The following SNX19 variants were observed in gnomAD, a reference collection of about 807,000 sequenced individuals.
The protein encoded by SNX19 is sorting nexin 19, also known as sorting nexin-19.
A neutral mutation model predicts 85.2 loss-of-function variants in SNX19; 60 were observed. That is an observed-to-expected ratio of 0.70 (90% CI 0.57 to 0.87). The LOEUF is 0.87. Ranked by LOEUF, SNX19 falls within the 40% of genes least tolerant of loss-of-function variation. The pLI is 0.00. For missense variants in SNX19, 1,201 were observed against 1,217.8 expected, an observed-to-expected ratio of 0.99 and a Z score of 0.21; for synonymous variants, 520 against 470.0, an observed-to-expected ratio of 1.11 and a Z score of -1.38.
At chr11:130,911,969 G>A (rs975557810) in intron 1 of SNX19, among the ~76,000 whole-genome samples, 198 bp from the exon 2 acceptor site, 58 of 151,822 alleles carry the variant, frequency 3.8e-4, no homozygotes, top group African/African-American at 1.3e-3. Context: ...TCACTCCTCC[G>A]CACTACTACT....
In SNX19 at chr11:130,878,312, T is replaced by G. The variant is rs1943383880; in HGVS notation, c.*110A>C. On this transcript the variant is annotated 3_prime_UTR_variant, in exon 11 of 11. Coordinates refer to ENST00000265909, the MANE Select transcript of SNX19 (RefSeq NM_014758.3). ...GGAGAGAAGTGAGCCACCGAGAACC[T>G]AGGCCTTCTTAGCTGTAGCCTACTT... 7.8e-7 allele frequency: 1 copy of G among 1,283,350 alleles called. No individual in the cohort carries two copies. The highest frequency in any genetic ancestry group is 1.1e-6 in the Non-Finnish European group (1 of 943,086). The allele number at this position is 1,283,350 out of a possible 1,614,324, so 79.5% of individuals were successfully genotyped here.
rs140963839 is a variant in SNX19 at position 130,910,065 on chromosome 11, G to A, written c.1987C>T (p.Arg663Cys). The A allele has an allele frequency of 4.5e-5, 72 of 1,613,914 alleles. No homozygotes were observed. The highest frequency in any genetic ancestry group is 2.0e-4 in the East Asian group (9 of 44,890). Residue 663 changes from arginine to cysteine, a missense_variant, in exon 4 of 11, where the codon CGT becomes TGT. Physicochemically the swap from Arg to Cys is radical, Grantham distance 180. Transcript: ENST00000265909. ...AATGGTTTCTTGACAAAGGCAATAC[G>A]AGCATCTGTGTTCAGAGCAAGGAAC... ...QEFLALNTDA[R>C]IAFVKKPFMV... is the part of the protein sequence containing the mutation.
intron 5 of SNX19, among the ~76,000 whole-genome samples, chr11:130,907,144 T>A (rs7949722): frequency 0.64 from 96,791 of 152,020 alleles, 31,077 homozygotes; most frequent in South Asian, 0.8. Context: ...ACATCCATTT[T>A]TTCCCCTTGT....
chr11:130,882,426 C>G (rs1943746578), intron 8 of SNX19, among the ~76,000 whole-genome samples: 1 of 152,242 alleles, frequency 6.6e-6, no homozygotes, highest in Non-Finnish European at 1.5e-5. Context: ...CTGCATTCCA[C>G]TCAAGCTGGG....
chr11:130,880,488 A>G (rs1943577854), intron 9 of SNX19, 134 bp downstream of exon 9: 12 of 737,808 alleles, frequency 1.6e-5, no homozygotes, highest in Non-Finnish European at 2.6e-5. Flanking sequence ...CTGGGAAATG[A>G]TGGGTCAACA....
In SNX19 at chr11:130,906,082, T is replaced by C; in HGVS notation, c.2314A>G (p.Thr772Ala). The part of the protein sequence containing the change: ...SAMESFIEKQ[T>A]KLLEMQPTKA... ...GTTGGCTGCATTTCCAGTAACTTTGTCTGTTTTTCAATAAAAGATTCCATC... is the reference window on the plus strand; with the variant it reads ...GTTGGCTGCATTTCCAGTAACTTTGCCTGTTTTTCAATAAAAGATTCCATC... Residue 772 changes from threonine to alanine, a missense_variant, in exon 7 of 11, where the codon ACA (threonine) becomes GCA (alanine). This residue lies in a region of SNX19 where 285 missense variants were observed against 295.3 expected (regional missense o/e 0.97). Transcript: ENST00000265909. 6.2e-7 allele frequency: 1 copy of C among 1,614,188 alleles called. No individual in the cohort carries two copies.
In SNX19 at chr11:130,916,059, C is replaced by T; in HGVS notation, c.-120G>A. The T allele has an allele frequency of 1.1e-6, 1 of 911,332 alleles. No homozygotes were observed. Among genetic ancestry groups the T allele is most frequent in the Non-Finnish European group, 1.6e-6 (1 of 607,798 alleles). The allele number at this position is 911,332 out of a possible 1,614,324, so 56.5% of individuals were successfully genotyped here. On this transcript the variant is annotated 5_prime_UTR_variant, in exon 1 of 11. Transcript: ENST00000265909. ...GGCGATCTGGGTGCTGTTCAGGGAA[C>T]CGGGGCTCCAGGCCCTCAAAGTCCT... is the stretch of plus-strand genomic sequence containing the variant.
In SNX19 at chr11:130,869,894, T is replaced by G. The variant is rs1942949729; in HGVS notation, c.*8528A>C. 6.7e-6 allele frequency: 1 copy of G among 149,292 alleles called. No individual in the cohort carries two copies. Among genetic ancestry groups the G allele is most frequent in the Non-Finnish European group, 1.5e-5 (1 of 67,808 alleles). 9.2% of individuals were successfully genotyped at this position (149,292 alleles called of 1,614,324 possible). On this transcript the variant is annotated 3_prime_UTR_variant, in exon 11 of 11. Coordinates refer to ENST00000265909, the MANE Select transcript of SNX19 (RefSeq NM_014758.3). ...GGGTAGCCAAGTCACCCACAAAGAC[T>G]GATGAGCTGATATAGAAAAAAAAAA...
At chr11:130,895,277 T>G in intron 8 of SNX19, 3 of 982,082 alleles carry the variant, frequency 3.1e-6, no homozygotes, top group Non-Finnish European at 3.6e-6. Context: ...GATCTGGGTA[T>G]GCCCTGTGTG....
chr11:130,911,545 C>A, intron 2 of SNX19, 88 bp downstream of exon 2: 1 of 1,583,826 alleles, frequency 6.3e-7, no homozygotes, highest in Non-Finnish European at 8.6e-7. Context: ...GCATTCTCCT[C>A]CCCGATCCCT....
chr11:130,915,600 C>A lies in SNX19; in HGVS notation c.340G>T (p.Val114Leu). ...RTIQMIIRDF[V>L]LSWYRSVSQE... ...CTCACGGAACGGTACCAAGATAACA[C>A]AAAATCTCGAATAATCATCTGGATG... is the stretch of plus-strand genomic sequence containing the variant. Residue 114 changes from valine to leucine, a missense_variant, in exon 1 of 11, where the codon GTG (valine) becomes TTG (leucine). By Grantham distance (32) the Val-to-Leu change is conservative. This residue lies in a region of SNX19 where 791 missense variants were observed against 750.9 expected (regional missense o/e 1.05). Transcript: ENST00000265909. The A allele has an allele frequency of 6.2e-7, 1 of 1,614,246 alleles. No homozygotes were observed. Among genetic ancestry groups the A allele is most frequent in the Non-Finnish European group, 8.5e-7 (1 of 1,180,044 alleles).
chr11:130,887,205 T>A (rs1385363355), intron 8 of SNX19, among the ~76,000 whole-genome samples: 1 of 152,240 alleles, frequency 6.6e-6, no homozygotes, highest in African/African-American at 2.4e-5. Context: ...TGTTTTTGAT[T>A]AGTAATGTAC....
At position 130,875,976 on chromosome 11, in the gene SNX19, T is replaced by C. The variant is rs1943225270; in HGVS notation, c.*2446A>G. ...GTTATATGTGATGAAAAAGTATAGC[T>C]TTCTTGAATTCAAATAAGCAATGGC... is the stretch of plus-strand genomic sequence containing the variant. On this transcript the variant is annotated 3_prime_UTR_variant, in exon 11 of 11. Transcript: ENST00000265909. 1 of 152,184 alleles carries C rather than the reference T, an allele frequency of 6.6e-6. No homozygotes were observed. Among genetic ancestry groups the C allele is most frequent in the Admixed American group, 6.6e-5 (1 of 15,264 alleles). The allele number at this position is 152,184 out of a possible 1,614,324, so 9.4% of individuals were successfully genotyped here.
At chr11:130,911,310 G>T in intron 2 of SNX19, 2 of 385,400 alleles carry the variant, frequency 5.2e-6, no homozygotes. Context: ...TAATATTTAA[G>T]AACCACCAAT....
intron 8 of SNX19, among the ~76,000 whole-genome samples, chr11:130,895,387 C>T (rs1944808800): frequency 6.6e-6 from 1 of 152,184 alleles, no homozygotes; most frequent in Non-Finnish European, 1.5e-5. Context: ...GGACTGCCTC[C>T]AGTAGAATGA....
At chr11:130,889,868 A>AG (rs1944377233) in intron 8 of SNX19, among the ~76,000 whole-genome samples, 1 of 152,204 alleles carries the variant, frequency 6.6e-6, no homozygotes, top group South Asian at 2.1e-4. Flanking sequence ...ACCAGCTACA[A>AG]GGTTAGCTAT....
Position 130,915,469 on chromosome 11 carries a change from A to C in SNX19, c.471T>G (p.Ser157Arg). The change falls in exon 1 of 11, where the codon AGT becomes AGG. Residue 157 changes from serine to arginine, a missense_variant. Physicochemically the swap from Ser to Arg is moderately radical, Grantham distance 110 (BLOSUM62 -1). This residue lies in a region of SNX19 where 791 missense variants were observed against 750.9 expected (regional missense o/e 1.05). Transcript: ENST00000265909. ...SVMDSHAVAQSVLTLCGCHLQ... is the reference protein window; with the variant it reads ...SVMDSHAVAQRVLTLCGCHLQ... Reference sequence around the variant, plus strand: ...GGTGACAACCGCAGAGAGTCAGAACACTCTGGGCAACAGCATGACTGTCCA... The same window carrying C: ...GGTGACAACCGCAGAGAGTCAGAACCCTCTGGGCAACAGCATGACTGTCCA... 1 of 1,613,858 alleles carries C rather than the reference A, an allele frequency of 6.2e-7. No individual in the cohort carries two copies. The highest frequency in any genetic ancestry group is 8.5e-7 in the Non-Finnish European group (1 of 1,179,976).
chr11:130,909,932 T>C, intron 4 of SNX19, 86 bp downstream of exon 4: 1 of 1,570,600 alleles, frequency 6.4e-7, no homozygotes, highest in Non-Finnish European at 8.7e-7. Context: ...CTACTGCTCT[T>C]ATTTTTCAAG....
At chr11:130,882,723 G>T (rs919022781) in intron 8 of SNX19, among the ~76,000 whole-genome samples, 1 of 152,194 alleles carries the variant, frequency 6.6e-6, no homozygotes, top group Non-Finnish European at 1.5e-5. Context: ...GTCACTAGAG[G>T]GAGGTGGCTG....
Sources: gnomAD v4.1 joint callset for allele counts (sites outside exome capture counted in the v4.1 genomes callset) on GRCh38, gnomAD v4.1.1 for gene constraint, gnomAD v4.1.1 regional missense constraint, MANE v1.5 for transcripts, NCBI Gene and HGNC (gene_info 2026-07-23, HGNC 2026-07-21) for gene names.